SNPH: variants seen among roughly 807,000 people sequenced by gnomAD.
The protein encoded by SNPH is syntaphilin.
A neutral mutation model predicts 36.8 loss-of-function variants in SNPH; 10 were observed. The observed-to-expected ratio is 0.27, with a 90% CI of 0.17 to 0.46. The LOEUF is 0.46. Ranked by LOEUF, SNPH falls within the 20% of genes least tolerant of loss-of-function variation. The probability of loss-of-function intolerance (pLI) is 1.00; values close to 1 mark genes in which losing one functional copy is unlikely to be tolerated. For synonymous variants in SNPH, 281 were observed against 312.2 expected, an observed-to-expected ratio of 0.90 and a Z score of 1.05; for missense variants, 622 against 744.0, an observed-to-expected ratio of 0.84 and a Z score of 1.91.
rs1013771848 is a variant in SNPH, at chr20:1,306,264, A to T, written c.*210A>T. On this transcript the variant is annotated 3_prime_UTR_variant, in exon 7 of 7. Transcript: ENST00000381867. Reference sequence around the variant, plus strand: ...CTTCGATGGAGAGCAGGGAAGGGGGACCCAAGGCAGGAGGTACACCAGCTG... The same window carrying T: ...CTTCGATGGAGAGCAGGGAAGGGGGTCCCAAGGCAGGAGGTACACCAGCTG... 4 of 456,144 alleles carry T rather than the reference A, an allele frequency of 8.8e-6. No homozygotes were observed. Among genetic ancestry groups the T allele is most frequent in the Admixed American group, 4.3e-5 (1 of 23,056 alleles). The allele number at this position is 456,144 out of a possible 1,614,324, so 28.3% of individuals were successfully genotyped here.
At chr20:1,303,502 C>T (rs1039619285) in intron 6 of SNPH, among the ~76,000 whole-genome samples, 2 of 152,222 alleles carry the variant, frequency 1.3e-5, no homozygotes, top group African/African-American at 4.8e-5. Flanking sequence ...GTGGGCCCCC[C>T]ACCTGGAGGC....
Position 1,307,168 on chromosome 20 carries a change from T to C in SNPH, c.*1114T>C, listed in dbSNP as rs2088589767. The C allele has an allele frequency of 6.5e-6, 1 of 152,682 alleles. No individual in the cohort carries two copies. The highest frequency in any genetic ancestry group is 6.5e-5 in the Admixed American group (1 of 15,288). 9.5% of individuals were successfully genotyped at this position (152,682 alleles called of 1,614,324 possible). A position where few individuals can be genotyped will look rare whatever the true frequency, so the allele number is the denominator to read the frequency against. On this transcript the variant is annotated 3_prime_UTR_variant, in exon 7 of 7. Transcript: ENST00000381867. ...TGTCTGAGATGAGGGTTCCTAAACC[T>C]TAAACCTCTCTGCCTCTGGAGGAGG... is the stretch of plus-strand genomic sequence containing the variant.
chr20:1,297,026 C>A (rs1040119779), intron 4 of SNPH, 119 bp from the exon 5 acceptor site: 5 of 1,463,406 alleles, frequency 3.4e-6, no homozygotes, highest in Non-Finnish European at 4.5e-6. Flanking sequence ...CTGCTTCTCT[C>A]CCCTGTGGTG....
intron 2 of SNPH, among the ~76,000 whole-genome samples, chr20:1,293,818 G>A (rs1365360074): frequency 6.6e-6 from 1 of 152,210 alleles, no homozygotes; most frequent in Non-Finnish European, 1.5e-5. Context: ...CTCAAGAGGA[G>A]GCAGGTGTGG....
chr20:1,304,980 G>T lies in SNPH; in HGVS notation c.543G>T (p.Glu181Asp). 6.2e-7 allele frequency: 1 copy of T among 1,613,998 alleles called. No homozygotes were observed. Among genetic ancestry groups the T allele is most frequent in the Non-Finnish European group, 8.5e-7 (1 of 1,180,048 alleles). ...HRVEAQLALK[E>D]ARKEIKQLKQ... ...TGGAGGCCCAGCTGGCCCTGAAGGAGGCCCGAAAGGAGATCAAGCAGCTCA... is the reference window on the plus strand; with the variant it reads ...TGGAGGCCCAGCTGGCCCTGAAGGATGCCCGAAAGGAGATCAAGCAGCTCA... The change falls in exon 7 of 7, where the codon GAG (glutamate) becomes GAT (aspartate). Residue 181 changes from glutamate (E) to aspartate (D), a missense_variant. Glu to Asp is a conservative substitution (Grantham distance 45). This residue lies in a region of SNPH where 56 missense variants were observed against 106.6 expected (regional missense o/e 0.53). Transcript: ENST00000381867. This position sits in a 1 kb window ranked among gnomAD's most constrained non-coding sequence, Gnocchi z 4.3.
chr20:1,289,704 C>G (rs933898389), intron 2 of SNPH, among the ~76,000 whole-genome samples: 5 of 150,786 alleles, frequency 3.3e-5, no homozygotes, highest in Non-Finnish European at 5.9e-5. Context: ...ATAGATTAGC[C>G]AGGTGAGGTG....
rs145008832 is a variant in SNPH, at chr20:1,305,296, A to T, written c.859A>T (p.Ser287Cys). 1 of 1,610,568 alleles carries T rather than the reference A, an allele frequency of 6.2e-7. No homozygotes were observed. Among genetic ancestry groups the T allele is most frequent in the South Asian group, 1.1e-5 (1 of 91,010 alleles). The stretch of plus-strand genomic sequence containing the variant: ...CGGCTCTGCTGAGGATGGGGCAGAC[A>T]GTGGCTTTGCAGCAGCCGATGACAC... ...SSGSAEDGAD[S>C]GFAAADDTLS... The change falls in exon 7 of 7, where the codon AGT becomes TGT. Residue 287 changes from serine to cysteine, a missense_variant. Ser to Cys is a moderately radical substitution (Grantham distance 112, BLOSUM62 -1). This residue lies in a region of SNPH where 379 missense variants were observed against 427.9 expected (regional missense o/e 0.89). Transcript: ENST00000381867.
intron 2 of SNPH, among the ~76,000 whole-genome samples, chr20:1,280,083 G>T (rs2088198440): frequency 6.6e-6 from 1 of 152,224 alleles, no homozygotes; most frequent in Non-Finnish European, 1.5e-5. Context: ...CCAGATTGGG[G>T]CATGGACTGG....
intron 2 of SNPH, among the ~76,000 whole-genome samples, chr20:1,282,501 C>T (rs916534972): frequency 1.3e-5 from 2 of 152,122 alleles, no homozygotes; most frequent in Non-Finnish European, 2.9e-5. Context: ...CCCCTTGCCC[C>T]CTAAAAATAT....
At position 1,285,548 on chromosome 20, in the gene SNPH, C is replaced by T. The variant is rs1473399738; in HGVS notation, c.-492-9403C>T. On this transcript the variant is annotated intron_variant, in intron 2 of 6. Coordinates refer to ENST00000381867, the MANE Select transcript of SNPH (RefSeq NM_001318234.2). This position sits in a 1 kb window ranked among gnomAD's most constrained non-coding sequence, Gnocchi z 4.9. Reference sequence around the variant, plus strand: ...CCAGGTCCTTGCTAGGCATTTCACACGTGTTATTGCTCATTGTGATTATAC... The same window carrying T: ...CCAGGTCCTTGCTAGGCATTTCACATGTGTTATTGCTCATTGTGATTATAC... Among the ~76,000 whole-genome samples the T allele has an allele frequency of 3.9e-5, 6 of 152,142 alleles. No homozygotes were observed. Among genetic ancestry groups the T allele is most frequent in the Non-Finnish European group, 7.4e-5 (5 of 68,024 alleles).
At chr20:1,282,078 G>A (rs1182379461) in intron 2 of SNPH, among the ~76,000 whole-genome samples, 4 of 152,214 alleles carry the variant, frequency 2.6e-5, no homozygotes, top group African/African-American at 9.7e-5. Context: ...TAAGGCTTTG[G>A]CTAAGTGCTG....
At chr20:1,280,945 C>T (rs1375962043) in intron 2 of SNPH, among the ~76,000 whole-genome samples, 2 of 152,172 alleles carry the variant, frequency 1.3e-5, no homozygotes. Context: ...GTTCCCAAGC[C>T]CAGGGTGCTG....
chr20:1,300,676 C>G lies in SNPH; in HGVS notation c.405C>G (p.Ala135=), dbSNP rs746313988. 1.4e-5 allele frequency: 23 copies of G among 1,612,462 alleles called. No individual in the cohort carries two copies. The South Asian group carries it at 2.4e-4, about 17-fold the overall frequency. ...AGGTGTGCATCCGGCACCTGAAAGC[C>G]CGGCTGAAGGACACACAGGACCGGC... is the stretch of plus-strand genomic sequence containing the variant. ...QKEVCIRHLK[A]RLKDTQDRLQ... Residue 135 remains alanine, a synonymous_variant, in exon 6 of 7, where the codon GCC becomes GCG. Coordinates refer to ENST00000381867, the MANE Select transcript of SNPH (RefSeq NM_001318234.2).
At chr20:1,284,429 C>T (rs1251687271) in intron 2 of SNPH, among the ~76,000 whole-genome samples, 2 of 152,196 alleles carry the variant, frequency 1.3e-5, no homozygotes, top group Non-Finnish European at 2.9e-5. Context: ...ATAAAATGGG[C>T]ATCCATCCTT....
intron 2 of SNPH, among the ~76,000 whole-genome samples, chr20:1,288,007 C>T (rs2088303963): frequency 6.6e-6 from 1 of 152,222 alleles, no homozygotes; most frequent in Admixed American, 6.5e-5. Flanking sequence ...CGTGGAGCAG[C>T]TGGGATGGTG....
Position 1,307,662 on chromosome 20 carries a change from T to A in SNPH, c.*1608T>A, listed in dbSNP as rs2088597920. 6.6e-6 allele frequency: 1 copy of A among 152,612 alleles called. No homozygotes were observed. The highest frequency in any genetic ancestry group is 1.5e-5 in the Non-Finnish European group (1 of 68,116). 9.5% of individuals were successfully genotyped at this position (152,612 alleles called of 1,614,324 possible). On this transcript the variant is annotated 3_prime_UTR_variant, in exon 7 of 7. Coordinates refer to ENST00000381867, the MANE Select transcript of SNPH (RefSeq NM_001318234.2). Reference sequence around the variant, plus strand: ...TCATGGGCTCTGCCCTTCTGCTCGGTGCCCTCCACGTGAGGCGGGGCACCT... The same window carrying A: ...TCATGGGCTCTGCCCTTCTGCTCGGAGCCCTCCACGTGAGGCGGGGCACCT...
chr20:1,300,788 C>T (rs2122429718), intron 6 of SNPH, 77 bp downstream of exon 6: 1 of 1,432,842 alleles, frequency 7.0e-7, no homozygotes, highest in Non-Finnish European at 9.3e-7. Context: ...TCTGGGGTGC[C>T]TCTTGGAGGG....
rs2088603231 is a variant in SNPH, at chr20:1,307,978, T to C, written c.*1924T>C. 1.3e-5 allele frequency: 2 copies of C among 152,816 alleles called. No individual in the cohort carries two copies. The highest frequency in any genetic ancestry group is 4.1e-4 in the South Asian group (2 of 4,832). 9.5% of individuals were successfully genotyped at this position (152,816 alleles called of 1,614,324 possible). The stretch of plus-strand genomic sequence containing the variant: ...CTCCTGTGCCGCGCACTCACGGAGC[T>C]GCGTAGTCTCCTCAGACATAGTCAA... On this transcript the variant is annotated 3_prime_UTR_variant, in exon 7 of 7. Coordinates refer to ENST00000381867, the MANE Select transcript of SNPH (RefSeq NM_001318234.2).
At chr20:1,300,751 C>T (rs925731757) in intron 6 of SNPH, 40 bp downstream of exon 6, 1 of 1,568,726 alleles carries the variant, frequency 6.4e-7, no homozygotes, top group Middle Eastern at 2.4e-4. Flanking sequence ...GGTACCCCAC[C>T]AGCTCCACAC....
Sources: gnomAD v4.1 joint callset for allele counts (sites outside exome capture counted in the v4.1 genomes callset) on GRCh38, gnomAD v4.1.1 for gene constraint, gnomAD v4.1.1 regional missense constraint, Gnocchi (gnomAD v3.1) non-coding constraint, MANE v1.5 for transcripts, NCBI Gene and HGNC (gene_info 2026-07-23, HGNC 2026-07-21) for gene names.